The following MPRIP variants were observed in gnomAD, a reference collection of about 807,000 sequenced individuals.
The protein encoded by MPRIP is myosin phosphatase Rho-interacting protein.
A neutral mutation model predicts 234.9 loss-of-function variants in MPRIP; 59 were observed. The observed-to-expected ratio is 0.25, with a 90% confidence interval of 0.20 to 0.31. The LOEUF (loss-of-function observed/expected upper bound fraction) is 0.31. Among genes scored for constraint, MPRIP ranks in the 10% least tolerant of loss-of-function variants. The pLI, the probability that MPRIP is intolerant of heterozygous loss-of-function variation, is 1.00. For missense variants in MPRIP, 2,436 were observed against 3,071.0 expected (o/e 0.79, Z 4.89); for synonymous variants, 1,144 against 1,263.9 (o/e 0.91, Z 2.01).
chr17:17,052,146 A>C (rs1483126468), intron 1 of MPRIP, among the ~76,000 whole-genome samples: 1 of 152,186 alleles, frequency 6.6e-6, no homozygotes, highest in Non-Finnish European at 1.5e-5. Context: ...GCTGCTCAGC[A>C]ATGGGGCCGT....
Position 17,184,843 on chromosome 17 carries a change from G to C in MPRIP, c.7227G>C (p.Thr2409=). The C allele has an allele frequency of 6.2e-7, 1 of 1,612,940 alleles. No homozygotes were observed. The highest frequency in any genetic ancestry group is 8.5e-7 in the Non-Finnish European group (1 of 1,179,276). Residue 2409 remains threonine, a synonymous_variant, in exon 24 of 24, where the codon ACG becomes ACC. Transcript: ENST00000651222. ...CCCAGAGTCTGAAGGAAGGCCTGAC[G>C]GTGCAAGAACGGTTGAAGCTCTTTG... The part of the protein sequence containing the change: ...IRSKSLKEGL[T]VQERLKLFES...
chr17:17,095,070 G>T (rs2089809227), intron 3 of MPRIP, among the ~76,000 whole-genome samples: 2 of 152,080 alleles, frequency 1.3e-5, no homozygotes, highest in Admixed American at 6.5e-5. Context: ...CCTTCTGTTG[G>T]GGTCTGATTC....
intron 1 of MPRIP, among the ~76,000 whole-genome samples, chr17:17,067,790 C>CTTTT (rs35187618): frequency 3.3e-4 from 25 of 76,730 alleles, no homozygotes; most frequent in East Asian, 4.5e-4. Flanking sequence ...CTTCTTCTTC[C>CTTTT]TTTTTTTTTT....
chr17:17,136,186 C>T lies in MPRIP; in HGVS notation c.505-33C>T, dbSNP rs771394241. On this transcript the variant is annotated intron_variant, in intron 5 of 23. Coordinates refer to ENST00000651222, the MANE Select transcript of MPRIP (RefSeq NM_001364716.4). ...ACCCAACCTGAGCTGTGTGCTCCTG[C>T]ACCTTCACAGACACCACTTTCTCCT... The T allele has an allele frequency of 1.3e-5, 21 of 1,612,758 alleles. 1 individual carries two copies. Among genetic ancestry groups the T allele is most frequent in the Middle Eastern group, 1.6e-4 (1 of 6,080 alleles).
intron 12 of MPRIP, among the ~76,000 whole-genome samples, 172 bp from the exon 13 acceptor site, chr17:17,154,134 C>T (rs1379496557): frequency 6.6e-6 from 1 of 152,242 alleles, no homozygotes. Context: ...CTCCTGCTCT[C>T]CAGCTCCCTC....
intron 1 of MPRIP, among the ~76,000 whole-genome samples, chr17:17,052,310 A>G (rs1457444408): frequency 6.6e-6 from 1 of 152,168 alleles, no homozygotes; most frequent in East Asian, 1.9e-4. Context: ...GCAGATGGGT[A>G]GTAGGGAGAT....
intron 23 of MPRIP, among the ~76,000 whole-genome samples, chr17:17,183,885 A>G (rs1326708110): frequency 6.6e-6 from 1 of 152,234 alleles, no homozygotes; most frequent in African/African-American, 2.4e-5. Flanking sequence ...CCATCCCTTC[A>G]GCTTCCAGTT....
chr17:17,141,015 T>C (rs538897472), intron 7 of MPRIP, among the ~76,000 whole-genome samples: 26 of 152,256 alleles, frequency 1.7e-4, no homozygotes, highest in African/African-American at 5.3e-4. Flanking sequence ...TGTGCGAGCC[T>C]GTGGTCTTAC....
intron 1 of MPRIP, among the ~76,000 whole-genome samples, chr17:17,064,295 G>A (rs2088957135): frequency 1.3e-5 from 2 of 151,210 alleles, no homozygotes; most frequent in South Asian, 4.2e-4. Flanking sequence ...TCCGCTTCCT[G>A]GGTTGAAGCG....
intron 23 of MPRIP, among the ~76,000 whole-genome samples, chr17:17,183,613 A>G (rs557861219): frequency 6.6e-6 from 1 of 152,350 alleles, no homozygotes; most frequent in Non-Finnish European, 1.5e-5. Context: ...AGAATATAGC[A>G]AACAAGCAGG....
intron 1 of MPRIP, among the ~76,000 whole-genome samples, chr17:17,044,352 G>A (rs1467122768): frequency 6.6e-6 from 1 of 152,174 alleles, no homozygotes; most frequent in Non-Finnish European, 1.5e-5. Flanking sequence ...TATGCGATGA[G>A]GAGTTGTTAG....
At chr17:17,182,770 T>G (rs900843163) in intron 23 of MPRIP, 1 of 152,384 alleles carries the variant, frequency 6.6e-6, no homozygotes, top group Non-Finnish European at 1.5e-5. Flanking sequence ...ATCTGGGGCT[T>G]CTGACGCAGT....
intron 13 of MPRIP, among the ~76,000 whole-genome samples, chr17:17,157,298 G>A (rs1277664447): frequency 6.6e-6 from 1 of 152,242 alleles, no homozygotes; most frequent in Admixed American, 6.5e-5. Context: ...TTACTGCAGG[G>A]CAGGTAGCAG....
At chr17:17,053,156 T>C (rs1022719887) in intron 1 of MPRIP, among the ~76,000 whole-genome samples, 1 of 151,950 alleles carries the variant, frequency 6.6e-6, no homozygotes, top group African/African-American at 2.4e-5. Context: ...GGGGACCTGC[T>C]CTGACCTAGA....
intron 1 of MPRIP, among the ~76,000 whole-genome samples, chr17:17,069,562 A>G (rs2089143108): frequency 6.6e-6 from 1 of 151,192 alleles, no homozygotes; most frequent in African/African-American, 2.4e-5. Context: ...ATCAAAATAT[A>G]GTTTTTTAAG....
Position 17,138,950 on chromosome 17 carries a change from C to A in MPRIP, c.1250+521C>A, listed in dbSNP as rs1232880985. Among the ~76,000 whole-genome samples the A allele has an allele frequency of 6.6e-6, 1 of 152,226 alleles. No homozygotes were observed. The highest frequency in any genetic ancestry group is 2.4e-5 in the African/African-American group (1 of 41,458). Reference sequence around the variant, plus strand: ...GGACATGCTCCCTGGGGAGCCACAGCCCCAGGAAACCTGAGGCAACCTGTG... The same window carrying A: ...GGACATGCTCCCTGGGGAGCCACAGACCCAGGAAACCTGAGGCAACCTGTG... On this transcript the variant is annotated intron_variant, in intron 7 of 23. Coordinates refer to ENST00000651222, the MANE Select transcript of MPRIP (RefSeq NM_001364716.4). The surrounding 1 kb of genome is among the most constrained non-coding windows in gnomAD (Gnocchi z 5.8).
chr17:17,131,723 TGGCATCCCCTCA>T, intron 5 of MPRIP, 22 bp downstream of exon 5: 1 of 1,607,844 alleles, frequency 6.2e-7, no homozygotes, highest in Non-Finnish European at 8.5e-7. Context: ...GTTTGCCAGA[TGGCATCCCCTCA>T]GTGGAGCCAG....
At chr17:17,150,697 CAAAAAA>C (rs35336436) in intron 12 of MPRIP, among the ~76,000 whole-genome samples, 1 of 73,470 alleles carries the variant, frequency 1.4e-5, no homozygotes, top group Non-Finnish European at 2.9e-5. Context: ...GCACTGTTCT[CAAAAAA>C]AAAAAAAAAA....
intron 21 of MPRIP, 88 bp from the exon 22 acceptor site, chr17:17,177,162 C>A: frequency 7.6e-7 from 1 of 1,318,514 alleles, no homozygotes; most frequent in Non-Finnish European, 1.1e-6. Context: ...GCCTCCCTAC[C>A]GTGTTCAGTC....
Sources: allele counts gnomAD v4.1 joint callset (sites outside exome capture counted in the v4.1 genomes callset), GRCh38; gene constraint gnomAD v4.1.1; non-coding constraint Gnocchi (gnomAD v3.1); transcripts MANE v1.5; gene names NCBI Gene and HGNC (gene_info 2026-07-23, HGNC 2026-07-21).